The following PXT1 variants were observed in gnomAD, a reference collection of about 807,000 sequenced individuals.
PXT1 encodes peroxisomal testis-specific protein 1.
In PXT1, 11 loss-of-function variants were observed where a neutral mutation model predicts 11.0. The ratio of observed to expected loss-of-function variants is 1.00; its 90% CI spans 0.63 to 1.66. The LOEUF (loss-of-function observed/expected upper bound fraction) is 1.66. Among genes scored for constraint, PXT1 ranks in the 40% most tolerant of loss-of-function variants. PXT1 has a pLI of 0.00. For synonymous variants in PXT1, 43 were observed against 51.4 expected, an observed-to-expected ratio of 0.84 and a Z score of 0.70; for missense variants, 141 against 155.5, an observed-to-expected ratio of 0.91 and a Z score of 0.49.
intron 3 of PXT1, among the ~76,000 whole-genome samples, chr6:36,413,977 A>C (rs1415060325): frequency 6.6e-6 from 1 of 152,216 alleles, no homozygotes; most frequent in Non-Finnish European, 1.5e-5. Flanking sequence ...CAAGCCTGGG[A>C]AACAGGGTGA....
intron 3 of PXT1, among the ~76,000 whole-genome samples, chr6:36,412,275 C>G (rs1561928572): frequency 6.6e-6 from 1 of 151,842 alleles, no homozygotes; most frequent in Non-Finnish European, 1.5e-5. Flanking sequence ...TCGCTTGAAC[C>G]TGGGAGGTCG....
chr6:36,425,475 T>C (rs1451797338), intron 3 of PXT1, among the ~76,000 whole-genome samples: 4 of 152,098 alleles, frequency 2.6e-5, no homozygotes, highest in South Asian at 4.1e-4. Context: ...TTTCTTATAG[T>C]TCATATTTAA....
At chr6:36,432,418 A>T (rs115785193) in intron 2 of PXT1, among the ~76,000 whole-genome samples, 1 of 152,184 alleles carries the variant, frequency 6.6e-6, no homozygotes. Context: ...AGAAACACTC[A>T]TTTCATTTTT....
At chr6:36,436,529 A>G (rs1774766088) in intron 2 of PXT1, among the ~76,000 whole-genome samples, 1 of 152,224 alleles carries the variant, frequency 6.6e-6, no homozygotes, top group Admixed American at 6.5e-5. Context: ...TTACTAAACC[A>G]GAGAGCACCA....
chr6:36,399,414 TG>T (rs1774185457), intron 4 of PXT1, among the ~76,000 whole-genome samples: 1 of 152,248 alleles, frequency 6.6e-6, no homozygotes, highest in Non-Finnish European at 1.5e-5. Context: ...CCCAAAGTGC[TG>T]GGATTACAGG....
intron 3 of PXT1, among the ~76,000 whole-genome samples, chr6:36,409,640 A>G (rs1334020011): frequency 6.6e-6 from 1 of 152,078 alleles, no homozygotes; most frequent in Non-Finnish European, 1.5e-5. Context: ...AGCCTGGGTA[A>G]CATGACGAAA....
chr6:36,422,399 C>T (rs911588344), intron 3 of PXT1, among the ~76,000 whole-genome samples: 27 of 152,212 alleles, frequency 1.8e-4, no homozygotes, highest in Admixed American at 9.8e-4. Context: ...GGGGTTGCAT[C>T]TTGAGGGAAG....
intron 2 of PXT1, 136 bp downstream of exon 2, chr6:36,438,631 C>G: frequency 6.6e-6 from 1 of 152,134 alleles, no homozygotes; most frequent in East Asian, 1.9e-4. Context: ...ACCGTGTTAG[C>G]CGGGATGGTC....
chr6:36,413,471 G>A (rs558785957), intron 3 of PXT1, among the ~76,000 whole-genome samples: 33 of 151,868 alleles, frequency 2.2e-4, no homozygotes, highest in African/African-American at 7.5e-4. Flanking sequence ...AGCAAATGGC[G>A]AAATAAAAAC....
At chr6:36,426,354 G>A (rs866795331) in intron 2 of PXT1, among the ~76,000 whole-genome samples, 2 of 103,510 alleles carry the variant, frequency 1.9e-5, no homozygotes, top group East Asian at 2.8e-4. Flanking sequence ...TCTCTCTCTC[G>A]CTTTTTTTTT....
intron 3 of PXT1, among the ~76,000 whole-genome samples, chr6:36,419,703 C>T (rs575438710): frequency 2.6e-5 from 4 of 152,320 alleles, no homozygotes; most frequent in South Asian, 4.1e-4. Flanking sequence ...AAAAGGCTGG[C>T]TACTCTGTAG....
At chr6:36,394,108 C>G (rs1006944530) in intron 4 of PXT1, among the ~76,000 whole-genome samples, 1 of 152,156 alleles carries the variant, frequency 6.6e-6, no homozygotes, top group Non-Finnish European at 1.5e-5. Flanking sequence ...CTCTTATAGT[C>G]GATATCAGCT....
chr6:36,423,069 T>C (rs1026800574), intron 3 of PXT1, among the ~76,000 whole-genome samples: 3 of 152,242 alleles, frequency 2.0e-5, no homozygotes, highest in African/African-American at 7.2e-5. Flanking sequence ...ACAAAAATTA[T>C]GTATTTTCCC....
At chr6:36,428,476 C>T (rs960456558) in intron 2 of PXT1, among the ~76,000 whole-genome samples, 6 of 150,774 alleles carry the variant, frequency 4.0e-5, no homozygotes, top group Non-Finnish European at 7.4e-5. Context: ...AGCTACCAGG[C>T]GAGTTTCTTA....
intron 2 of PXT1, among the ~76,000 whole-genome samples, chr6:36,436,584 G>A (rs1774766828): frequency 6.6e-6 from 1 of 152,146 alleles, no homozygotes; most frequent in Non-Finnish European, 1.5e-5. Flanking sequence ...GGTTGTATCT[G>A]GGGGAGGGAT....
chr6:36,392,970 C>T (rs1272031780), intron 4 of PXT1: 1 of 151,998 alleles, frequency 6.6e-6, no homozygotes, highest in East Asian at 1.9e-4. Flanking sequence ...ACCCTTCTGA[C>T]CATATCTTTT....
intron 3 of PXT1, among the ~76,000 whole-genome samples, chr6:36,411,035 C>A (rs530980079): frequency 5.3e-5 from 8 of 152,204 alleles, no homozygotes; most frequent in African/African-American, 1.7e-4. Context: ...TGAATACCTG[C>A]ATAATCAGTA....
chr6:36,436,113 C>CAAAAAAA lies in PXT1; in HGVS notation c.-10+2647_-10+2653dup, dbSNP rs11294829. Among the ~76,000 whole-genome samples, 12 of 60,076 alleles carry CAAAAAAA rather than the reference C, an allele frequency of 2.0e-4. 1 individual carries two copies. Among genetic ancestry groups the CAAAAAAA allele is most frequent in the South Asian group, 6.7e-4 (1 of 1,482 alleles). 39.4% of individuals were successfully genotyped at this position (60,076 alleles called of 152,430 possible). A position where few individuals can be genotyped will look rare whatever the true frequency, so the allele number is the denominator to read the frequency against. ...AAATTAATTAAAAAAAAAAGTAAGC[C>CAAAAAAA]AAAAAAAAAAAAAAAAAAAGCCAGC... On this transcript the variant is annotated intron_variant, in intron 2 of 4. Transcript: ENST00000454782.
intron 2 of PXT1, among the ~76,000 whole-genome samples, chr6:36,436,534 G>A (rs1774766129): frequency 6.6e-6 from 1 of 152,226 alleles, no homozygotes; most frequent in African/African-American, 2.4e-5. Flanking sequence ...AAACCAGAGA[G>A]CACCAGCACG....
Sources: gnomAD v4.1 joint callset for allele counts (sites outside exome capture counted in the v4.1 genomes callset) on GRCh38, gnomAD v4.1.1 for gene constraint, MANE v1.5 for transcripts, NCBI Gene and HGNC (gene_info 2026-07-23, HGNC 2026-07-21) for gene names.